Variants in TAFA4 observed in about 807,000 individuals in gnomAD.
TAFA4 encodes TAFA chemokine like family member 4.
TAFA4 carries 20 observed loss-of-function variants against 21.1 expected under a neutral mutation model. The observed-to-expected ratio is 0.95, with a 90% CI of 0.67 to 1.38. TAFA4 has a LOEUF of 1.38. Among genes scored for constraint, TAFA4 ranks in the 40% most tolerant of loss-of-function variants. The probability of loss-of-function intolerance (pLI) is 0.00; values close to 1 mark genes in which losing one functional copy is unlikely to be tolerated. For missense variants in TAFA4, 211 were observed against 180.9 expected, an observed-to-expected ratio of 1.17 and a Z score of -0.95; for synonymous variants, 71 against 67.4, an observed-to-expected ratio of 1.05 and a Z score of -0.26.
At chr3:68,774,782 A>C (rs555096317) in intron 3 of TAFA4, among the ~76,000 whole-genome samples, 1 of 152,342 alleles carries the variant, frequency 6.6e-6, no homozygotes, top group East Asian at 1.9e-4. Context: ...GTAGTAAGAA[A>C]GCCCTTTCTA....
rs555017552 is a variant in TAFA4, at chr3:68,792,153, G to A, written c.131-39135C>T. The stretch of plus-strand genomic sequence containing the variant: ...CTTTGCAAGCTCATTTCACTCATTC[G>A]CAAAATGAAAGGCTGAACTAATACC... On this transcript the variant is annotated intron_variant, in intron 3 of 5. Transcript: ENST00000295569. Among the ~76,000 whole-genome samples, 8 of 152,202 alleles carry A rather than the reference G, an allele frequency of 5.3e-5. No homozygotes were observed. In the South Asian group the frequency reaches 6.2e-4, roughly 12 times the overall value.
At chr3:68,876,468 C>A (rs1373587632) in intron 3 of TAFA4, among the ~76,000 whole-genome samples, 1 of 152,162 alleles carries the variant, frequency 6.6e-6, no homozygotes, top group Non-Finnish European at 1.5e-5. Flanking sequence ...CAGAGAGACT[C>A]CTGTAGTAGA....
intron 3 of TAFA4, among the ~76,000 whole-genome samples, chr3:68,767,455 G>A (rs1438597397): frequency 6.6e-6 from 1 of 151,974 alleles, no homozygotes; most frequent in Admixed American, 6.6e-5. Flanking sequence ...AAATAAAGCA[G>A]TTAGAAACAG....
chr3:68,784,145 A>G (rs1487327467), intron 3 of TAFA4, among the ~76,000 whole-genome samples: 2 of 152,272 alleles, frequency 1.3e-5, no homozygotes, highest in Non-Finnish European at 2.9e-5. Context: ...TAAAGAAGCA[A>G]AAATTAAAAT....
intron 5 of TAFA4, among the ~76,000 whole-genome samples, chr3:68,735,514 A>C (rs1036870201): frequency 6.6e-6 from 1 of 152,122 alleles, no homozygotes; most frequent in African/African-American, 2.4e-5. Flanking sequence ...CCTATCCCAG[A>C]CTTACTACAC....
intron 1 of TAFA4, among the ~76,000 whole-genome samples, chr3:68,887,748 A>T (rs1575658851): frequency 6.6e-6 from 1 of 152,104 alleles, no homozygotes; most frequent in East Asian, 1.9e-4. Flanking sequence ...AAGGCTGCAT[A>T]GGGCATTGAA....
At chr3:68,836,740 G>C (rs957755484) in intron 3 of TAFA4, among the ~76,000 whole-genome samples, 8 of 150,190 alleles carry the variant, frequency 5.3e-5, no homozygotes, top group Admixed American at 4.6e-4. Flanking sequence ...TACTAATTTG[G>C]AACCCACTTT....
intron 3 of TAFA4, among the ~76,000 whole-genome samples, chr3:68,875,351 A>T (rs1000071548): frequency 1.3e-5 from 2 of 152,092 alleles, no homozygotes; most frequent in African/African-American, 4.8e-5. Context: ...GTTCAGATGG[A>T]ATCTCGCTGC....
chr3:68,928,354 C>T (rs1197852612), intron 1 of TAFA4, among the ~76,000 whole-genome samples: 2 of 152,098 alleles, frequency 1.3e-5, no homozygotes, highest in Non-Finnish European at 2.9e-5. Context: ...AATGTTGTAC[C>T]AAATTATTGG....
At chr3:68,744,298 G>A (rs151054114) in intron 4 of TAFA4, among the ~76,000 whole-genome samples, 3 of 152,304 alleles carry the variant, frequency 2.0e-5, no homozygotes, top group Non-Finnish European at 4.4e-5. Context: ...GGTCAGGGAA[G>A]CCCTGGACAC....
intron 3 of TAFA4, among the ~76,000 whole-genome samples, chr3:68,764,167 G>A (rs947496184): frequency 1.3e-5 from 2 of 152,016 alleles, no homozygotes; most frequent in Non-Finnish European, 2.9e-5. Flanking sequence ...CATAAAGGTG[G>A]GGTCCTAATC....
At chr3:68,738,552 C>T (rs181465379) in intron 5 of TAFA4, among the ~76,000 whole-genome samples, 2 of 152,112 alleles carry the variant, frequency 1.3e-5, no homozygotes, top group African/African-American at 4.8e-5. Flanking sequence ...GACAATGTAA[C>T]CAACTGAACA....
At chr3:68,840,387 G>T (rs1316418873) in intron 3 of TAFA4, among the ~76,000 whole-genome samples, 3 of 151,826 alleles carry the variant, frequency 2.0e-5, no homozygotes, top group Non-Finnish European at 4.4e-5. Context: ...TTTTGTATTT[G>T]TATCTCAACA....
At chr3:68,815,939 G>A (rs113736514) in intron 3 of TAFA4, among the ~76,000 whole-genome samples, 6,514 of 152,248 alleles carry the variant, frequency 0.043, 344 homozygotes, top group East Asian at 0.23. Context: ...TGATAGACTG[G>A]ATTAAGAAAA....
chr3:68,797,340 G>A (rs1361735845), intron 3 of TAFA4, among the ~76,000 whole-genome samples: 1 of 152,142 alleles, frequency 6.6e-6, no homozygotes, highest in Non-Finnish European at 1.5e-5. Context: ...AGGGCCAGGT[G>A]TGGTGGCTCA....
At chr3:68,742,784 G>C (rs974464149) in intron 4 of TAFA4, among the ~76,000 whole-genome samples, 1 of 152,122 alleles carries the variant, frequency 6.6e-6, no homozygotes, top group African/African-American at 2.4e-5. Context: ...AGGTCCAGGG[G>C]CCTTAAGTGA....
At chr3:68,882,658 C>A (rs550876230) in intron 2 of TAFA4, among the ~76,000 whole-genome samples, 1 of 152,214 alleles carries the variant, frequency 6.6e-6, no homozygotes, top group Non-Finnish European at 1.5e-5. Context: ...ATGTGTGAGA[C>A]AGAGTGTTAC....
chr3:68,869,043 A>G (rs760704913), intron 3 of TAFA4, among the ~76,000 whole-genome samples: 1 of 152,010 alleles, frequency 6.6e-6, no homozygotes, highest in Non-Finnish European at 1.5e-5. Context: ...AGAACACATA[A>G]CAACTGATAC....
chr3:68,915,371 T>C (rs144659881), intron 1 of TAFA4, among the ~76,000 whole-genome samples: 119 of 152,178 alleles, frequency 7.8e-4, no homozygotes, highest in African/African-American at 2.7e-3. Flanking sequence ...AAAAGTGTCC[T>C]TTTTTTCTGG....
Sources: allele counts gnomAD v4.1 joint callset (sites outside exome capture counted in the v4.1 genomes callset), GRCh38; gene constraint gnomAD v4.1.1; transcripts MANE v1.5; gene names NCBI Gene and HGNC (gene_info 2026-07-23, HGNC 2026-07-21).